PCDHA12: variants seen among roughly 807,000 people sequenced by gnomAD.
The protein encoded by PCDHA12 is protocadherin alpha-12.
In PCDHA12, 44 loss-of-function variants were observed where a neutral mutation model predicts 60.0. The observed-to-expected ratio is 0.73, with a 90% confidence interval of 0.58 to 0.94. The LOEUF is 0.94. PCDHA12 is among the 40% of genes least tolerant of loss of function. PCDHA12 has a pLI of 0.00. For missense variants in PCDHA12, 1,276 were observed against 1,239.7 expected (o/e 1.03, Z -0.44); for synonymous variants, 569 against 553.0 (o/e 1.03, Z -0.40).
intron 1 of PCDHA12, among the ~76,000 whole-genome samples, chr5:140,917,358 C>T (rs2153543502): frequency 6.7e-6 from 1 of 149,798 alleles, no homozygotes; most frequent in East Asian, 1.9e-4. Flanking sequence ...GCTTCTGTTC[C>T]ACTATCTTGC....
chr5:140,939,733 C>T (rs1433987863), intron 1 of PCDHA12, among the ~76,000 whole-genome samples: 2 of 152,162 alleles, frequency 1.3e-5, no homozygotes, highest in Non-Finnish European at 2.9e-5. Flanking sequence ...TTGTGTGTAG[C>T]TGTGTATCAT....
intron 1 of PCDHA12, chr5:140,929,206 C>T (rs1554206828): frequency 2.5e-6 from 4 of 1,614,018 alleles, no homozygotes; most frequent in Non-Finnish European, 1.7e-6. Flanking sequence ...TTTGCTGTTG[C>T]GTGGGGAGTA....
chr5:140,899,654 G>C (rs1429177993), intron 1 of PCDHA12, among the ~76,000 whole-genome samples: 1 of 152,158 alleles, frequency 6.6e-6, no homozygotes, highest in African/African-American at 2.4e-5. Context: ...ATTTGGTTGT[G>C]TCTCTGCCCG....
intron 1 of PCDHA12, among the ~76,000 whole-genome samples, chr5:140,919,536 C>A (rs1554199151): frequency 6.6e-6 from 1 of 151,864 alleles, no homozygotes; most frequent in Admixed American, 6.6e-5. Context: ...TTTTCCTATA[C>A]TTTTCATTTA....
At chr5:140,937,568 G>T (rs1342447969) in intron 1 of PCDHA12, among the ~76,000 whole-genome samples, 1 of 151,920 alleles carries the variant, frequency 6.6e-6, no homozygotes, top group East Asian at 1.9e-4. Context: ...AGTGAGCTGG[G>T]ATCGCGTCAC....
At chr5:140,943,248 ACT>A (rs1250099362) in intron 1 of PCDHA12, among the ~76,000 whole-genome samples, 2 of 133,008 alleles carry the variant, frequency 1.5e-5, no homozygotes, top group Non-Finnish European at 3.1e-5. Flanking sequence ...ACAGAGTGAG[ACT>A]CTGTCTCAAA....
chr5:141,004,982 A>G (rs1445212778), intron 3 of PCDHA12, among the ~76,000 whole-genome samples: 2 of 152,234 alleles, frequency 1.3e-5, no homozygotes, highest in African/African-American at 2.4e-5. Flanking sequence ...TTGCAGTATC[A>G]TTATCTTGGT....
chr5:140,950,086 T>G (rs1178086288), intron 1 of PCDHA12, among the ~76,000 whole-genome samples: 1 of 151,946 alleles, frequency 6.6e-6, no homozygotes, highest in Non-Finnish European at 1.5e-5. Flanking sequence ...TATGCTATAG[T>G]TTTCATTTGT....
chr5:140,928,875 T>C (rs781860300), intron 1 of PCDHA12: 1 of 1,614,184 alleles, frequency 6.2e-7, no homozygotes, highest in Non-Finnish European at 8.5e-7. Context: ...ACTCTGTCCC[T>C]CAGTTACTTC....
intron 1 of PCDHA12, among the ~76,000 whole-genome samples, chr5:140,922,883 T>A (rs963654982): frequency 2.6e-5 from 4 of 152,134 alleles, no homozygotes; most frequent in Admixed American, 2.0e-4. Flanking sequence ...TCCAAAGACA[T>A]CATTCAAGAA....
Position 140,928,819 on chromosome 5 carries a change from G to A in PCDHA12, c.2368-50130G>A, listed in dbSNP as rs1464149149. On this transcript the variant is annotated intron_variant, in intron 1 of 3. Coordinates refer to ENST00000398631, the MANE Select transcript of PCDHA12 (RefSeq NM_018903.4). ...GGTGGTAGTGGTTCGGGACCATGGAGACCCACCACTTTCCTCCTCTGTCAC... is the reference window on the plus strand; with the variant it reads ...GGTGGTAGTGGTTCGGGACCATGGAAACCCACCACTTTCCTCCTCTGTCAC... 8 of 1,614,024 alleles carry A rather than the reference G, an allele frequency of 5.0e-6. No homozygotes were observed. In the Admixed American group the frequency reaches 1.0e-4, roughly 20 times the overall value.
At chr5:140,934,228 G>A (rs1238284158) in intron 1 of PCDHA12, among the ~76,000 whole-genome samples, 2 of 151,884 alleles carry the variant, frequency 1.3e-5, no homozygotes, top group African/African-American at 4.8e-5. Flanking sequence ...TAAAAGATTT[G>A]TACTTAATTG....
intron 3 of PCDHA12, among the ~76,000 whole-genome samples, chr5:140,996,581 A>C (rs1554255228): frequency 6.6e-6 from 1 of 152,118 alleles, no homozygotes; most frequent in Non-Finnish European, 1.5e-5. Flanking sequence ...ATTTGTTAAC[A>C]AGGGCCGCCT....
At position 140,927,248 on chromosome 5, in the gene PCDHA12, A is replaced by T. The variant is rs572200211; in HGVS notation, c.2367+49409A>T. On this transcript the variant is annotated intron_variant, in intron 1 of 3. Transcript: ENST00000398631. The stretch of plus-strand genomic sequence containing the variant: ...CGGATTCACGTCCTGGACACCAATG[A>T]CAACTCACCTCTCTTTCCTGCCGGC... 3.5e-5 allele frequency: 56 copies of T among 1,614,064 alleles called. No homozygotes were observed. The South Asian group carries it at 5.7e-4, about 16-fold the overall frequency.
At position 140,876,923 on chromosome 5, in the gene PCDHA12, C is replaced by T; in HGVS notation, c.1451C>T (p.Ala484Val). The T allele has an allele frequency of 6.2e-7, 1 of 1,613,834 alleles. No homozygotes were observed. ...ACGGTGTCGGCATGGGACGCGGACG[C>T]GCAGAAGAACGCGCTGGTGTCCTAC... ...IFTVSAWDAD[A>V]QKNALVSYSL... The change falls in exon 1 of 4, where the codon GCG becomes GTG. Residue 484 changes from alanine (A) to valine (V), a missense_variant. Ala to Val is a moderately conservative substitution (Grantham distance 64). Coordinates refer to ENST00000398631, the MANE Select transcript of PCDHA12 (RefSeq NM_018903.4).
intron 1 of PCDHA12, among the ~76,000 whole-genome samples, chr5:140,913,794 T>A: frequency 6.6e-6 from 1 of 152,194 alleles, no homozygotes. Context: ...ATCATTTGTT[T>A]GAATCAAATT....
At chr5:141,000,413 ATATATATATTT>A (rs1563651437) in intron 3 of PCDHA12, among the ~76,000 whole-genome samples, 3 of 93,258 alleles carry the variant, frequency 3.2e-5, no homozygotes, top group African/African-American at 1.4e-4. Flanking sequence ...ATATATATAT[ATATATATATTT>A]TTTTTTTTTT....
chr5:140,994,788 C>G (rs139745274), intron 3 of PCDHA12, among the ~76,000 whole-genome samples: 1 of 152,194 alleles, frequency 6.6e-6, no homozygotes, highest in East Asian at 1.9e-4. Context: ...GGAAACAATG[C>G]GTGCATGCAA....
At chr5:140,985,739 C>CTTTTTT (rs11372071) in intron 3 of PCDHA12, among the ~76,000 whole-genome samples, 3 of 117,922 alleles carry the variant, frequency 2.5e-5, no homozygotes, top group Non-Finnish European at 1.7e-5. Context: ...TGATGAATTC[C>CTTTTTT]TTTTTTTTTT....
Sources: gnomAD v4.1 joint callset for allele counts (sites outside exome capture counted in the v4.1 genomes callset) on GRCh38, gnomAD v4.1.1 for gene constraint, MANE v1.5 for transcripts, NCBI Gene and HGNC (gene_info 2026-07-23, HGNC 2026-07-21) for gene names.